Variants in NIBAN2 observed in about 807,000 individuals in gnomAD.
NIBAN2 encodes protein Niban 2.
In NIBAN2, 36 loss-of-function variants were observed where a neutral mutation model predicts 81.8. The observed-to-expected ratio is 0.44, with a 90% CI of 0.34 to 0.58. NIBAN2 has a LOEUF of 0.58. Ranked by LOEUF, NIBAN2 falls within the 20% of genes least tolerant of loss-of-function variation. The probability of loss-of-function intolerance (pLI) is 0.02; values close to 1 mark genes in which losing one functional copy is unlikely to be tolerated. For synonymous variants in NIBAN2, 445 were observed against 441.6 expected, an observed-to-expected ratio of 1.01 and a Z score of -0.10; for missense variants, 897 against 1,014.1, an observed-to-expected ratio of 0.88 and a Z score of 1.57.
chr9:127,528,244 C>T (rs1031587898), intron 2 of NIBAN2, among the ~76,000 whole-genome samples: 7 of 152,206 alleles, frequency 4.6e-5, no homozygotes, highest in Admixed American at 1.3e-4. Context: ...GGGGCCCAAG[C>T]GAAGCTATGG....
chr9:127,562,061 G>T (rs1321282648), intron 1 of NIBAN2, among the ~76,000 whole-genome samples: 1 of 152,192 alleles, frequency 6.6e-6, no homozygotes, highest in East Asian at 1.9e-4. Flanking sequence ...GGAGGAGGGG[G>T]GCGCAGGGAC....
intron 1 of NIBAN2, among the ~76,000 whole-genome samples, chr9:127,553,728 C>A (rs1227765765): frequency 2.6e-5 from 4 of 152,210 alleles, no homozygotes; most frequent in African/African-American, 9.6e-5. Flanking sequence ...GGAGCTCTGT[C>A]TGGCCTGGAG....
chr9:127,520,642 A>G (rs558372294), intron 5 of NIBAN2, among the ~76,000 whole-genome samples: 1 of 152,282 alleles, frequency 6.6e-6, no homozygotes, highest in Non-Finnish European at 1.5e-5. Flanking sequence ...TTGGCCGGGC[A>G]CAGTGACTCA....
chr9:127,520,547 G>A (rs918602569), intron 5 of NIBAN2, among the ~76,000 whole-genome samples: 1 of 152,054 alleles, frequency 6.6e-6, no homozygotes, highest in East Asian at 1.9e-4. Context: ...CTTGGTCCTA[G>A]AGTCTTAAAG....
rs1836985613 is a variant in NIBAN2 at position 127,523,191 on chromosome 9, AAATATATATATATATATATAT to A, written c.589+467_589+487del. On this transcript the variant is annotated intron_variant, in intron 5 of 13. Coordinates refer to ENST00000373312, the MANE Select transcript of NIBAN2 (RefSeq NM_022833.4). ...TTTTAAAAAAAAAAAAAAAAAAAAA[AAATATATATATATATATATAT>A]ATATATATATATATATATATATATA... 3.9e-4 allele frequency among the ~76,000 whole-genome samples: 6 copies of A among 15,514 alleles called. 1 individual carries two copies. Among genetic ancestry groups the A allele is most frequent in the South Asian group, 3.2e-3 (1 of 314 alleles). The allele number at this position is 15,514 out of a possible 152,430, so 10.2% of individuals were successfully genotyped here. A position where few individuals can be genotyped will look rare whatever the true frequency, so the allele number is the denominator to read the frequency against.
intron 1 of NIBAN2, among the ~76,000 whole-genome samples, chr9:127,566,085 T>C (rs530292370): frequency 1.3e-5 from 2 of 151,718 alleles, no homozygotes; most frequent in South Asian, 4.2e-4. Context: ...TTAGCTATGA[T>C]GATGCCACTG....
At chr9:127,576,832 C>T (rs951089742) in intron 1 of NIBAN2, among the ~76,000 whole-genome samples, 1 of 151,434 alleles carries the variant, frequency 6.6e-6, no homozygotes, top group Non-Finnish European at 1.5e-5. Context: ...CAACCTCAGC[C>T]TCCCCAAGTG....
Position 127,507,213 on chromosome 9 carries a change from C to T in NIBAN2, c.1873G>A (p.Val625Met), listed in dbSNP as rs1805143347. 6.8e-6 allele frequency: 11 copies of T among 1,612,714 alleles called. No individual in the cohort carries two copies. Among genetic ancestry groups the T allele is most frequent in the Non-Finnish European group, 9.3e-6 (11 of 1,179,582 alleles). ...AGCCCCACCTCCTCATCCTGGACCA[C>T]AGAGACCACCTGCTTGGCGCGCCGT... ...KRRRAKQVVSVVQDEEVGLPF... is the reference protein window; with the variant it reads ...KRRRAKQVVSMVQDEEVGLPF... Residue 625 changes from valine to methionine, a missense_variant, in exon 14 of 14, where the codon GTG becomes ATG. By Grantham distance (21) the Val-to-Met change is conservative (BLOSUM62 1). Coordinates refer to ENST00000373312, the MANE Select transcript of NIBAN2 (RefSeq NM_022833.4). This position sits in a 1 kb window ranked among gnomAD's most constrained non-coding sequence, Gnocchi z 6.8.
At chr9:127,514,270 CA>C (rs34295842) in intron 8 of NIBAN2, among the ~76,000 whole-genome samples, 33 of 118,082 alleles carry the variant, frequency 2.8e-4, no homozygotes, top group East Asian at 5.8e-4. Context: ...ACTCTGTGTC[CA>C]AAAAAAAAAA....
At chr9:127,568,750 G>C (rs901951313) in intron 1 of NIBAN2, 70 bp downstream of exon 1, 2 of 1,197,584 alleles carry the variant, frequency 1.7e-6, no homozygotes, top group Non-Finnish European at 2.1e-6. Context: ...CCAACTGCTG[G>C]CCGGGGCGGG....
At chr9:127,558,190 T>A (rs1434451086) in intron 1 of NIBAN2, among the ~76,000 whole-genome samples, 1 of 152,170 alleles carries the variant, frequency 6.6e-6, no homozygotes, top group Non-Finnish European at 1.5e-5. Flanking sequence ...CACAGGCCCA[T>A]CTGTGAGGCC....
At chr9:127,535,769 G>T (rs1031536899) in intron 1 of NIBAN2, among the ~76,000 whole-genome samples, 1 of 152,026 alleles carries the variant, frequency 6.6e-6, no homozygotes, top group Non-Finnish European at 1.5e-5. Context: ...TCTGCTGGAG[G>T]GGTCTGGTCT....
intron 8 of NIBAN2, among the ~76,000 whole-genome samples, chr9:127,514,618 C>T (rs1159632266): frequency 1.3e-5 from 2 of 152,218 alleles, no homozygotes; most frequent in Non-Finnish European, 2.9e-5. Context: ...CAATGAGCCT[C>T]TTGGTTTTAC....
In NIBAN2 at chr9:127,509,041, G is replaced by A. The variant is rs1007895082; in HGVS notation, c.1252C>T (p.Gln418Ter). 6.2e-7 allele frequency: 1 copy of A among 1,613,894 alleles called. No homozygotes were observed. Among genetic ancestry groups the A allele is most frequent in the Non-Finnish European group, 8.5e-7 (1 of 1,179,964 alleles). Residue 418 changes from glutamine (Q) to a stop codon, truncating the protein, a stop_gained, in exon 10 of 14, where the codon CAG becomes TAG. Coordinates refer to ENST00000373312, the MANE Select transcript of NIBAN2 (RefSeq NM_022833.4). LOFTEE classifies it high-confidence loss of function. ...GTGCTGGACACATCAAATCGCTGCT[G>A]CAGCCCGTCCAGTCGCAGCGACTCC... is the stretch of plus-strand genomic sequence containing the variant. ...KMESLRLDGLQQRFDVSSTSV... is the reference protein window; with the variant it reads ...KMESLRLDGL
chr9:127,543,707 T>C (rs1837422579), intron 1 of NIBAN2, among the ~76,000 whole-genome samples: 1 of 152,210 alleles, frequency 6.6e-6, no homozygotes, highest in Non-Finnish European at 1.5e-5. Flanking sequence ...TCATCCATGT[T>C]GTGTCCTCTG....
At chr9:127,546,019 G>A (rs1242796794) in intron 1 of NIBAN2, among the ~76,000 whole-genome samples, 2 of 152,126 alleles carry the variant, frequency 1.3e-5, no homozygotes, top group Non-Finnish European at 2.9e-5. Context: ...GAGGCCCCCA[G>A]CAGCGTCACC....
At chr9:127,510,581 C>T (rs1192312565) in intron 8 of NIBAN2, among the ~76,000 whole-genome samples, 3 of 151,976 alleles carry the variant, frequency 2.0e-5, no homozygotes, top group Non-Finnish European at 4.4e-5. Flanking sequence ...GGACTACAGG[C>T]GCGTGCCACT....
intron 9 of NIBAN2, among the ~76,000 whole-genome samples, chr9:127,509,708 C>T (rs972889987): frequency 6.6e-6 from 1 of 151,820 alleles, no homozygotes. Flanking sequence ...ATTTGGAGGG[C>T]GCGTGACTTG....
intron 1 of NIBAN2, among the ~76,000 whole-genome samples, chr9:127,543,893 A>G (rs2132210623): frequency 6.6e-6 from 1 of 152,378 alleles, no homozygotes; most frequent in South Asian, 2.1e-4. Context: ...TGCCAGGCAC[A>G]GAGGCAGATC....
Sources: gnomAD v4.1 joint callset for allele counts (sites outside exome capture counted in the v4.1 genomes callset) on GRCh38, gnomAD v4.1.1 for gene constraint, Gnocchi (gnomAD v3.1) non-coding constraint, MANE v1.5 for transcripts, NCBI Gene and HGNC (gene_info 2026-07-23, HGNC 2026-07-21) for gene names.